Variants in LRIG1 observed in about 807,000 individuals in gnomAD.
LRIG1 encodes leucine-rich repeats and immunoglobulin-like domains protein 1.
Under a neutral mutation model 99.2 loss-of-function variants are expected in LRIG1, and 48 were observed. The ratio of observed to expected loss-of-function variants is 0.48; its 90% confidence interval spans 0.38 to 0.62. The LOEUF is 0.62. Ranked by LOEUF, LRIG1 falls within the 20% of genes least tolerant of loss-of-function variation. LRIG1 has a pLI of 0.00. For synonymous variants in LRIG1, 772 were observed against 596.1 expected, an observed-to-expected ratio of 1.29 and a Z score of -4.30; for missense variants, 1,646 against 1,434.4, an observed-to-expected ratio of 1.15 and a Z score of -2.38.
chr3:66,382,137 G>A lies in LRIG1; in HGVS notation c.2617+136C>T, dbSNP rs145752671. 2.1e-3 allele frequency: 2,057 copies of A among 983,276 alleles called. 10 individuals are homozygous for A. The highest frequency in any genetic ancestry group is 9.9e-3 in the African/African-American group (612 of 61,790). 60.9% of individuals were successfully genotyped at this position (983,276 alleles called of 1,614,324 possible). ...ACTGGGTCCAAAATAGCAGCCCTTA[G>A]TCATACCGCCTTCTACTTCACCAAG... On this transcript the variant is annotated intron_variant, in intron 16 of 18. Transcript: ENST00000273261.
chr3:66,468,925 T>C (rs1700535997), intron 1 of LRIG1: 1 of 152,220 alleles, frequency 6.6e-6, no homozygotes. Flanking sequence ...TCCCATGTTG[T>C]AAGGTTTTAT....
At chr3:66,383,940 T>TCG in intron 14 of LRIG1, 51 bp downstream of exon 14, 3 of 1,279,990 alleles carry the variant, frequency 2.3e-6, no homozygotes, top group Admixed American at 2.3e-5. Context: ...AGAGTCTCTC[T>TCG]CTCTCGCTCA....
At chr3:66,443,809 A>G (rs1350632422) in intron 3 of LRIG1, among the ~76,000 whole-genome samples, 1 of 152,220 alleles carries the variant, frequency 6.6e-6, no homozygotes, top group African/African-American at 2.4e-5. Flanking sequence ...GGTCTCCACC[A>G]TGAACCAGCT....
rs761968177 is a variant in LRIG1 at position 66,412,899 on chromosome 3, A to G, written c.763T>C (p.Phe255Leu). 1.2e-6 allele frequency: 2 copies of G among 1,614,228 alleles called. No homozygotes were observed. The highest frequency in any genetic ancestry group is 2.2e-5 in the South Asian group (2 of 91,082). ...ACATGCATCTTGGACAGTCCCCAGA[A>G]GGCCCCATCTGTCAGTTTGCTGATG... ...NNISKLTDGA[F>L]WGLSKMHVLH... is the part of the protein sequence containing the mutation. Residue 255 changes from phenylalanine to leucine, a missense_variant, in exon 6 of 19, where the codon TTC (phenylalanine) becomes CTC (leucine). Coordinates refer to ENST00000273261, the MANE Select transcript of LRIG1 (RefSeq NM_015541.3).
chr3:66,497,702 TACAAAAAAA>T (rs1701259033), intron 1 of LRIG1, among the ~76,000 whole-genome samples: 1 of 10,430 alleles, frequency 9.6e-5, no homozygotes, highest in African/African-American at 1.6e-4. Context: ...ACGCACTGTT[TACAAAAAAA>T]AAAAAAAAAA....
chr3:66,438,064 G>A (rs1703416314), intron 3 of LRIG1, among the ~76,000 whole-genome samples: 2 of 152,176 alleles, frequency 1.3e-5, no homozygotes, highest in African/African-American at 2.4e-5. Flanking sequence ...TTCATTGGGT[G>A]GCTGGTGTGG....
At chr3:66,406,409 G>C in intron 8 of LRIG1, 1 of 985,412 alleles carries the variant, frequency 1.0e-6, no homozygotes, top group South Asian at 4.7e-5. Flanking sequence ...TGTTATTTGG[G>C]CCTTGTATGG....
Position 66,449,592 on chromosome 3 carries a change from G to A in LRIG1, c.365+1967C>T, listed in dbSNP as rs535603150. 3.3e-5 allele frequency among the ~76,000 whole-genome samples: 5 copies of A among 152,318 alleles called. No individual in the cohort carries two copies. The East Asian group carries it at 5.8e-4, about 18-fold the overall frequency. The stretch of plus-strand genomic sequence containing the variant: ...GTGCAATTCTAAGTGCCACAGGCCC[G>A]TGGGGCAAACTGGGGGCCCTGCCTG... On this transcript the variant is annotated intron_variant, in intron 3 of 18. Transcript: ENST00000273261.
intron 1 of LRIG1, among the ~76,000 whole-genome samples, chr3:66,480,724 C>T (rs1175445257): frequency 6.6e-6 from 1 of 152,178 alleles, no homozygotes; most frequent in Non-Finnish European, 1.5e-5. Flanking sequence ...TAGAGTTTAC[C>T]CTCCCACAGA....
At chr3:66,462,953 T>C (rs937173848) in intron 1 of LRIG1, among the ~76,000 whole-genome samples, 3 of 152,154 alleles carry the variant, frequency 2.0e-5, no homozygotes, top group Admixed American at 6.5e-5. Flanking sequence ...TCTAAACCAG[T>C]GGCTCTCAAC....
intron 1 of LRIG1, among the ~76,000 whole-genome samples, chr3:66,467,629 G>A (rs2106855502): frequency 6.6e-6 from 1 of 152,288 alleles, no homozygotes; most frequent in East Asian, 1.9e-4. Flanking sequence ...CCAAAGTGCT[G>A]GGATTACAGG....
intron 3 of LRIG1, among the ~76,000 whole-genome samples, chr3:66,423,167 T>G (rs1702872436): frequency 6.6e-6 from 1 of 152,206 alleles, no homozygotes; most frequent in African/African-American, 2.4e-5. Flanking sequence ...TGGAAAAAAG[T>G]TCTGGAGACT....
Position 66,383,164 on chromosome 3 carries a change from C to A in LRIG1, c.2309G>T (p.Gly770Val), listed in dbSNP as rs760955079. 5.6e-6 allele frequency: 9 copies of A among 1,614,222 alleles called. No individual in the cohort carries two copies. Among genetic ancestry groups the A allele is most frequent in the Non-Finnish European group, 7.6e-6 (9 of 1,180,046 alleles). ...RYTCEMSNTL[G>V]TERAHSQLSV... ...CAGCTGGCTGTGAGCTCGCTCCGTG[C>A]CCAGGGTGTTGGACATCTCACAGGT... Residue 770 changes from glycine (G) to valine (V), a missense_variant, in exon 15 of 19, where the codon GGC becomes GTC. By Grantham distance (109) the Gly-to-Val change is moderately radical. Transcript: ENST00000273261.
intron 12 of LRIG1, chr3:66,388,082 G>C (rs1701465487): frequency 7.9e-6 from 1 of 127,284 alleles, no homozygotes; most frequent in Non-Finnish European, 1.6e-5. Flanking sequence ...CCTCCAGCCT[G>C]GGTGACAGAG....
chr3:66,383,239 T>C lies in LRIG1; in HGVS notation c.2234A>G (p.Asn745Ser), dbSNP rs1249205071. The change falls in exon 15 of 19, where the codon AAC becomes AGC. Residue 745 changes from asparagine (N) to serine (S), a missense_variant. By Grantham distance (46) the Asn-to-Ser change is conservative (BLOSUM62 1). Coordinates refer to ENST00000273261, the MANE Select transcript of LRIG1 (RefSeq NM_015541.3). ...CACGTTCTGAACCACCAGGAGCTGG[T>C]TGTCAGGGGTCAAGTGGTGCCGCTC... ...LTERHHLTPDNQLLVVQNVVA... is the reference protein window; with the variant it reads ...LTERHHLTPDSQLLVVQNVVA... The C allele has an allele frequency of 4.3e-6, 7 of 1,614,060 alleles. No homozygotes were observed. The African/African-American group carries it at 6.7e-5, about 15-fold the overall frequency.
chr3:66,421,740 T>A (rs1702820065), intron 3 of LRIG1, among the ~76,000 whole-genome samples: 1 of 152,104 alleles, frequency 6.6e-6, no homozygotes, highest in Admixed American at 6.6e-5. Flanking sequence ...GTGTGGGGGA[T>A]CCCACACTGC....
At chr3:66,498,807 G>C (rs1701285481) in intron 1 of LRIG1, among the ~76,000 whole-genome samples, 1 of 152,170 alleles carries the variant, frequency 6.6e-6, no homozygotes, top group Admixed American at 6.5e-5. Flanking sequence ...CTTGTTCATG[G>C]AGCAGTGTCT....
chr3:66,496,670 A>C (rs899477915), intron 1 of LRIG1, among the ~76,000 whole-genome samples: 2 of 152,182 alleles, frequency 1.3e-5, no homozygotes, highest in African/African-American at 4.8e-5. Context: ...TTTTGTTTCA[A>C]AGTCTGTTGA....
chr3:66,484,705 A>T (rs1700930574), intron 1 of LRIG1, among the ~76,000 whole-genome samples: 1 of 152,160 alleles, frequency 6.6e-6, no homozygotes, highest in Non-Finnish European at 1.5e-5. Context: ...AACAGCTTTA[A>T]ACAATGGGAT....
Sources: allele counts gnomAD v4.1 joint callset (sites outside exome capture counted in the v4.1 genomes callset), GRCh38; gene constraint gnomAD v4.1.1; transcripts MANE v1.5; gene names NCBI Gene and HGNC (gene_info 2026-07-23, HGNC 2026-07-21).